Variants in HUNK observed in about 807,000 individuals in gnomAD.
The protein encoded by HUNK is hormonally up-regulated neu tumor-associated kinase.
HUNK carries 21 observed loss-of-function variants against 61.0 expected under a neutral mutation model. The ratio of observed to expected loss-of-function variants is 0.34; its 90% CI spans 0.24 to 0.50. The LOEUF is 0.50. Among genes scored for constraint, HUNK ranks in the 20% least tolerant of loss-of-function variants. The pLI is 0.98. For missense variants in HUNK, 772 were observed against 945.7 expected, an observed-to-expected ratio of 0.82 and a Z score of 2.41; for synonymous variants, 371 against 386.1, an observed-to-expected ratio of 0.96 and a Z score of 0.46.
At chr21:31,897,635 A>T (rs2052434254) in intron 1 of HUNK, among the ~76,000 whole-genome samples, 1 of 152,242 alleles carries the variant, frequency 6.6e-6, no homozygotes, top group African/African-American at 2.4e-5. Context: ...GGACTCCAGC[A>T]TCTTTTGCGG....
intron 6 of HUNK, among the ~76,000 whole-genome samples, chr21:31,971,457 A>T (rs2123851215): frequency 1.3e-5 from 2 of 152,322 alleles, no homozygotes; most frequent in South Asian, 4.1e-4. Context: ...TTAAGACAAA[A>T]AAAATGTATT....
chr21:31,938,784 A>C (rs2052749443), intron 2 of HUNK, among the ~76,000 whole-genome samples: 1 of 152,080 alleles, frequency 6.6e-6, no homozygotes, highest in African/African-American at 2.4e-5. Flanking sequence ...CGTGTGTGTA[A>C]GAGTGTTTTT....
chr21:31,892,173 A>ATG (rs1227451979), intron 1 of HUNK, among the ~76,000 whole-genome samples: 1 of 122,390 alleles, frequency 8.2e-6, no homozygotes, highest in Non-Finnish European at 1.7e-5. Context: ...ATATATATAT[A>ATG]TATATATAGA....
intron 2 of HUNK, among the ~76,000 whole-genome samples, chr21:31,935,922 G>A (rs1005128100): frequency 1.3e-5 from 2 of 152,046 alleles, no homozygotes; most frequent in African/African-American, 4.8e-5. Context: ...GGGTTCAGGC[G>A]AGTAGCTGGG....
At chr21:31,937,450 A>G (rs1336864237) in intron 2 of HUNK, among the ~76,000 whole-genome samples, 1 of 152,204 alleles carries the variant, frequency 6.6e-6, no homozygotes, top group African/African-American at 2.4e-5. Context: ...TGGTTAATTT[A>G]TGGAGATTTT....
chr21:31,898,571 A>AT (rs1439020000), intron 1 of HUNK, among the ~76,000 whole-genome samples: 2 of 151,974 alleles, frequency 1.3e-5, no homozygotes, highest in Non-Finnish European at 2.9e-5. Flanking sequence ...CCGGCCGTGG[A>AT]TTTTTTATTA....
intron 4 of HUNK, among the ~76,000 whole-genome samples, chr21:31,949,498 G>A (rs761595682): frequency 4.6e-5 from 7 of 152,154 alleles, no homozygotes; most frequent in Non-Finnish European, 8.8e-5. Context: ...ATATGAATAT[G>A]TGGGTCTATA....
At chr21:31,899,802 A>G (rs1181469603) in intron 1 of HUNK, among the ~76,000 whole-genome samples, 1 of 149,512 alleles carries the variant, frequency 6.7e-6, no homozygotes, top group Non-Finnish European at 1.5e-5. Context: ...TTTTAGACAG[A>G]GTTTCACTCT....
At chr21:31,874,765 C>T (rs2052247497) in intron 1 of HUNK, among the ~76,000 whole-genome samples, 1 of 152,066 alleles carries the variant, frequency 6.6e-6, no homozygotes, top group Non-Finnish European at 1.5e-5. Flanking sequence ...TCTTATCTTT[C>T]TAGAAGAGGG....
intron 1 of HUNK, among the ~76,000 whole-genome samples, chr21:31,892,286 C>T (rs533542732): frequency 6.7e-6 from 1 of 149,744 alleles, no homozygotes; most frequent in East Asian, 2.0e-4. Context: ...AAAAAAGTGG[C>T]CAGACGTGGT....
intron 4 of HUNK, among the ~76,000 whole-genome samples, chr21:31,955,440 A>G (rs1398088227): frequency 6.6e-6 from 1 of 151,762 alleles, no homozygotes; most frequent in Non-Finnish European, 1.5e-5. Flanking sequence ...AAAAAAAAAA[A>G]AATAGCCAGG....
chr21:31,874,615 C>A (rs966458760), intron 1 of HUNK, among the ~76,000 whole-genome samples: 2 of 140,130 alleles, frequency 1.4e-5, no homozygotes, highest in African/African-American at 5.1e-5. Context: ...CCATTCTCAT[C>A]CCCGCCATTC....
intron 7 of HUNK, among the ~76,000 whole-genome samples, chr21:31,975,079 C>G (rs930922636): frequency 6.6e-6 from 1 of 151,772 alleles, no homozygotes; most frequent in Non-Finnish European, 1.5e-5. Context: ...TCCTAAAACT[C>G]GGGTAGCAGT....
intron 1 of HUNK, among the ~76,000 whole-genome samples, chr21:31,875,334 T>TGTG (rs2052252956): frequency 6.6e-6 from 1 of 152,212 alleles, no homozygotes; most frequent in Non-Finnish European, 1.5e-5. Context: ...AATGCAGGTC[T>TGTG]CCGTCACCCT....
At chr21:31,940,886 C>T (rs1453847977) in intron 3 of HUNK, among the ~76,000 whole-genome samples, 2 of 152,122 alleles carry the variant, frequency 1.3e-5, no homozygotes, top group Non-Finnish European at 1.5e-5. Flanking sequence ...ATCTTTTATT[C>T]CCCTCTTTTC....
intron 4 of HUNK, among the ~76,000 whole-genome samples, chr21:31,953,926 T>A (rs2052870031): frequency 6.6e-6 from 1 of 152,226 alleles, no homozygotes; most frequent in East Asian, 1.9e-4. Context: ...TGGATGGCTC[T>A]GGCGCCATCT....
chr21:31,905,935 G>A (rs902028117), intron 1 of HUNK, among the ~76,000 whole-genome samples: 2 of 152,118 alleles, frequency 1.3e-5, no homozygotes, highest in Non-Finnish European at 2.9e-5. Flanking sequence ...GGGCTGGGAG[G>A]AGCTGTGATA....
At chr21:31,980,756 G>T (rs1482535372) in intron 7 of HUNK, among the ~76,000 whole-genome samples, 1 of 151,728 alleles carries the variant, frequency 6.6e-6, no homozygotes, top group Non-Finnish European at 1.5e-5. Flanking sequence ...CCAGGCTGGA[G>T]TGCAATGGCG....
intron 1 of HUNK, among the ~76,000 whole-genome samples, chr21:31,904,246 G>A (rs1483195489): frequency 6.6e-6 from 1 of 151,962 alleles, no homozygotes; most frequent in East Asian, 1.9e-4. Context: ...TCTACTCTTC[G>A]GGCCCCTTCT....
Sources: allele counts gnomAD v4.1 joint callset (sites outside exome capture counted in the v4.1 genomes callset), GRCh38; gene constraint gnomAD v4.1.1; transcripts MANE v1.5; gene names NCBI Gene and HGNC (gene_info 2026-07-23, HGNC 2026-07-21).